CLPSL2: variants seen among roughly 807,000 people sequenced by gnomAD.
CLPSL2 encodes the protein colipase-like protein 2.
CLPSL2 carries 4 observed loss-of-function variants against 7.9 expected under a neutral mutation model. The ratio of observed to expected loss-of-function variants is 0.50; its 90% CI spans 0.25 to 1.15. CLPSL2 has a LOEUF of 1.15. CLPSL2 is among the 50% of genes most tolerant of loss of function. The pLI, the probability that CLPSL2 is intolerant of heterozygous loss-of-function variation, is 0.15. For synonymous variants in CLPSL2, 67 were observed against 53.1 expected, an observed-to-expected ratio of 1.26 and a Z score of -1.14; for missense variants, 132 against 136.6, an observed-to-expected ratio of 0.97 and a Z score of 0.17.
At chr6:35,776,952 C>A in intron 1 of CLPSL2, 1 of 433,026 alleles carries the variant, frequency 2.3e-6, no homozygotes, top group South Asian at 4.9e-5. Flanking sequence ...CCCGCCCGTG[C>A]CCCTTCCGAT....
chr6:35,779,511 GCTCCAA>G lies in CLPSL2; in HGVS notation c.*62_*67del. 6.4e-7 allele frequency: 1 copy of G among 1,551,620 alleles called. No individual in the cohort carries two copies. The highest frequency in any genetic ancestry group is 8.7e-7 in the Non-Finnish European group (1 of 1,146,684). ...CATAGGCCCTGGTTGCCACCAACTT[GCTCCAA>G]ATCCAGCTCCTGAGACATTAAAGTC... On this transcript the variant is annotated 3_prime_UTR_variant, in exon 3 of 3. Coordinates refer to ENST00000403376, the MANE Select transcript of CLPSL2 (RefSeq NM_207409.4).
chr6:35,777,793 A>C, intron 2 of CLPSL2: 1 of 720,606 alleles, frequency 1.4e-6, no homozygotes, highest in Non-Finnish European at 2.6e-6. Context: ...CTGGGGTCAG[A>C]CCCTCAGCAG....
chr6:35,777,528 G>C lies in CLPSL2; in HGVS notation c.154G>C (p.Gly52Arg). ...SGCCLMDLDS[G>R]GAFCAPRARI... ...CTGCTGCCTCATGGACTTGGACTCC[G>C]GTGGAGCCTTCTGTGCCCCCAGGGC... The change falls in exon 2 of 3, where the codon GGT (glycine) becomes CGT (arginine). Residue 52 changes from glycine (G) to arginine (R), a missense_variant. By Grantham distance (125) the Gly-to-Arg change is moderately radical (BLOSUM62 -2). Coordinates refer to ENST00000403376, the MANE Select transcript of CLPSL2 (RefSeq NM_207409.4). 6.2e-7 allele frequency: 1 copy of C among 1,613,714 alleles called. No homozygotes were observed. Among genetic ancestry groups the C allele is most frequent in the Non-Finnish European group, 8.5e-7 (1 of 1,179,802 alleles).
Position 35,779,482 on chromosome 6 carries a change from G to C in CLPSL2, c.*32G>C, listed in dbSNP as rs1228419311. ...ATGCAGGCTGGTCACTGCTCCCTTG[G>C]GGCCATAGGCCCTGGTTGCCACCAA... On this transcript the variant is annotated 3_prime_UTR_variant, in exon 3 of 3. Coordinates refer to ENST00000403376, the MANE Select transcript of CLPSL2 (RefSeq NM_207409.4). 6.4e-7 allele frequency: 1 copy of C among 1,556,338 alleles called. No homozygotes were observed. Among genetic ancestry groups the C allele is most frequent in the African/African-American group, 1.4e-5 (1 of 73,286 alleles).
chr6:35,776,636 G>T lies in CLPSL2; in HGVS notation c.18G>T (p.Ala6=). Reference sequence around the variant, plus strand: ...CCAGGCCCATGGCCGCAGCCCTGGCGCTCGTGGCGGGGGTCCTGTCGGGGG... The same window carrying T: ...CCAGGCCCATGGCCGCAGCCCTGGCTCTCGTGGCGGGGGTCCTGTCGGGGG... The part of the protein sequence containing the change: MAAAL[A]LVAGVLSGAV... The change falls in exon 1 of 3, where the codon GCG becomes GCT. Residue 6 remains alanine (A), a synonymous_variant. Coordinates refer to ENST00000403376, the MANE Select transcript of CLPSL2 (RefSeq NM_207409.4). 3 of 1,497,756 alleles carry T rather than the reference G, an allele frequency of 2.0e-6. No homozygotes were observed. Among genetic ancestry groups the T allele is most frequent in the Non-Finnish European group, 2.7e-6 (3 of 1,130,944 alleles). The allele number at this position is 1,497,756 out of a possible 1,614,324, so 92.8% of individuals were successfully genotyped here.
intron 2 of CLPSL2, 140 bp downstream of exon 2, chr6:35,777,721 T>C: frequency 4.9e-6 from 5 of 1,013,930 alleles, no homozygotes; most frequent in Non-Finnish European, 7.3e-6. Flanking sequence ...CTCCTACTCA[T>C]GGTGCAAAAC....
At chr6:35,777,409 C>T (rs773917224) in intron 1 of CLPSL2, 50 bp from the exon 2 acceptor site, 2 of 1,597,522 alleles carry the variant, frequency 1.3e-6, no homozygotes, top group South Asian at 1.1e-5. Context: ...CCCGCCCACA[C>T]GACTCAGGGA....
At position 35,777,129 on chromosome 6, in the gene CLPSL2, C is replaced by G. The variant is rs538664739; in HGVS notation, c.85-330C>G. On this transcript the variant is annotated intron_variant, in intron 1 of 2. Transcript: ENST00000403376. ...CTCTTTCTCTCCCTCTTTTTCGAGC[C>G]CGCAGCCCCTTCATTCTCATCCCCC... 3.9e-5 allele frequency among the ~76,000 whole-genome samples: 6 copies of G among 152,246 alleles called. No homozygotes were observed. In the South Asian group the frequency reaches 1.2e-3, roughly 32 times the overall value.
rs1427745633 is a variant in CLPSL2 at position 35,779,522 on chromosome 6, A to G, written c.*72A>G. 1.9e-6 allele frequency: 3 copies of G among 1,549,978 alleles called. No homozygotes were observed. The highest frequency in any genetic ancestry group is 3.3e-4 in the Middle Eastern group (2 of 6,012). Reference sequence around the variant, plus strand: ...GTTGCCACCAACTTGCTCCAAATCCAGCTCCTGAGACATTAAAGTCACTTC... The same window carrying G: ...GTTGCCACCAACTTGCTCCAAATCCGGCTCCTGAGACATTAAAGTCACTTC... On this transcript the variant is annotated 3_prime_UTR_variant, in exon 3 of 3. Coordinates refer to ENST00000403376, the MANE Select transcript of CLPSL2 (RefSeq NM_207409.4).
intron 2 of CLPSL2, chr6:35,778,001 G>C (rs1767879184): frequency 1.5e-6 from 1 of 684,840 alleles, no homozygotes; most frequent in African/African-American, 1.8e-5. Flanking sequence ...TGTCACCCAG[G>C]CTAGAGTGCA....
intron 2 of CLPSL2, 138 bp from the exon 3 acceptor site, chr6:35,779,217 C>A: frequency 1.7e-6 from 1 of 597,660 alleles, no homozygotes; most frequent in Non-Finnish European, 2.9e-6. Context: ...CTGAAGGTCA[C>A]GCAGTTATAA....
chr6:35,777,473 G>C lies in CLPSL2; in HGVS notation c.99G>C (p.Arg33Ser). 1 of 1,613,646 alleles carries C rather than the reference G, an allele frequency of 6.2e-7. No homozygotes were observed. Among genetic ancestry groups the C allele is most frequent in the Non-Finnish European group, 8.5e-7 (1 of 1,179,762 alleles). ...LPQYKKKITD[R>S]CFHHSECYSG... ...TGTCCCCACAGAAAATCACAGACAG[G>C]TGCTTCCACCACTCTGAGTGCTACA... The change falls in exon 2 of 3, where the codon AGG (arginine) becomes AGC (serine). Residue 33 changes from arginine to serine, a missense_variant. Coordinates refer to ENST00000403376, the MANE Select transcript of CLPSL2 (RefSeq NM_207409.4).
At chr6:35,777,816 C>A (rs1483474705) in intron 2 of CLPSL2, 1 of 717,594 alleles carries the variant, frequency 1.4e-6, no homozygotes, top group Non-Finnish European at 2.6e-6. Flanking sequence ...CATGTATCTC[C>A]CTAACTGGCC....
chr6:35,777,899 G>A (rs1296943010), intron 2 of CLPSL2: 2 of 717,542 alleles, frequency 2.8e-6, no homozygotes, highest in East Asian at 5.4e-5. Flanking sequence ...CATCTATGAA[G>A]CACCTACCCC....
At chr6:35,776,873 C>G in intron 1 of CLPSL2, 171 bp downstream of exon 1, 1 of 534,082 alleles carries the variant, frequency 1.9e-6, no homozygotes, top group Non-Finnish European at 3.1e-6. Flanking sequence ...AGCCGCTTCA[C>G]TTTCCCCTGG....
At chr6:35,777,319 A>C in intron 1 of CLPSL2, 140 bp from the exon 2 acceptor site, 3 of 895,592 alleles carry the variant, frequency 3.3e-6, no homozygotes, top group Non-Finnish European at 5.1e-6. Flanking sequence ...TGGGGGGGGA[A>C]CCAGCCCCCC....
intron 2 of CLPSL2, among the ~76,000 whole-genome samples, chr6:35,779,109 A>T (rs946769115): frequency 1.3e-5 from 2 of 152,112 alleles, no homozygotes; most frequent in African/African-American, 2.4e-5. Context: ...GATCTGCTCT[A>T]TCTCATTTAG....
At position 35,776,636 on chromosome 6, in the gene CLPSL2, G is replaced by A. The variant is rs1417053435; in HGVS notation, c.18G>A (p.Ala6=). MAAAL[A]LVAGVLSGAV... ...CCAGGCCCATGGCCGCAGCCCTGGC[G>A]CTCGTGGCGGGGGTCCTGTCGGGGG... Residue 6 remains alanine, a synonymous_variant, in exon 1 of 3, where the codon GCG becomes GCA. Coordinates refer to ENST00000403376, the MANE Select transcript of CLPSL2 (RefSeq NM_207409.4). 4 of 1,497,640 alleles carry A rather than the reference G, an allele frequency of 2.7e-6. No individual in the cohort carries two copies. The highest frequency in any genetic ancestry group is 2.9e-5 in the African/African-American group (2 of 68,888). The allele number at this position is 1,497,640 out of a possible 1,614,324, so 92.8% of individuals were successfully genotyped here.
In CLPSL2 at chr6:35,779,540, G is replaced by T. The variant is rs1389624092; in HGVS notation, c.*90G>T. 6.5e-7 allele frequency: 1 copy of T among 1,546,422 alleles called. No individual in the cohort carries two copies. Among genetic ancestry groups the T allele is most frequent in the East Asian group, 2.5e-5 (1 of 40,694 alleles). On this transcript the variant is annotated 3_prime_UTR_variant, in exon 3 of 3. Transcript: ENST00000403376. ...CAAATCCAGCTCCTGAGACATTAAA[G>T]TCACTTCCTGTCCTTGGCCTCTGTC...
Sources: gnomAD v4.1 joint callset for allele counts (sites outside exome capture counted in the v4.1 genomes callset) on GRCh38, gnomAD v4.1.1 for gene constraint, MANE v1.5 for transcripts, NCBI Gene and HGNC (gene_info 2026-07-23, HGNC 2026-07-21) for gene names.